SETX: variants seen among roughly 807,000 people sequenced by gnomAD.
SETX encodes helicase senataxin.
Under a neutral mutation model 227.2 loss-of-function variants are expected in SETX, and 90 were observed. That is an observed-to-expected ratio of 0.40 (90% confidence interval 0.33 to 0.47). The LOEUF is 0.47. SETX is among the 20% of genes least tolerant of loss of function. The probability of loss-of-function intolerance (pLI) is 0.91; values close to 1 mark genes in which losing one functional copy is unlikely to be tolerated. For synonymous variants in SETX, 1,210 were observed against 1,113.2 expected (o/e 1.09, Z -1.73); for missense variants, 3,052 against 3,181.5 (o/e 0.96, Z 0.98).
intron 18 of SETX, among the ~76,000 whole-genome samples, chr9:132,285,602 C>T (rs1451802643): frequency 6.6e-6 from 1 of 152,202 alleles, no homozygotes; most frequent in Non-Finnish European, 1.5e-5. Context: ...AAAAAAAGGG[C>T]CAGGCATGGT....
chr9:132,349,385 A>C lies in SETX; in HGVS notation c.44T>G (p.Ile15Ser), dbSNP rs770780238. The change falls in exon 3 of 26, where the codon ATT (isoleucine) becomes AGT (serine). Residue 15 changes from isoleucine to serine, a missense_variant. By Grantham distance (142) the Ile-to-Ser change is moderately radical. Coordinates refer to ENST00000224140, the MANE Select transcript of SETX (RefSeq NM_015046.7). Reference protein sequence around the residue: ...CWCTPGGASTIDFLKRYASNT... With the variant: ...CWCTPGGASTSDFLKRYASNT... Reference sequence around the variant, plus strand: ...GGAAGCATAGCGCTTTAGGAAGTCAATGGTGGAAGCACCACCTGGCGTACA... The same window carrying C: ...GGAAGCATAGCGCTTTAGGAAGTCACTGGTGGAAGCACCACCTGGCGTACA... 1 of 1,614,202 alleles carries C rather than the reference A, an allele frequency of 6.2e-7. No homozygotes were observed. The highest frequency in any genetic ancestry group is 8.5e-7 in the Non-Finnish European group (1 of 1,180,044).
chr9:132,346,425 T>A lies in SETX; in HGVS notation c.224A>T (p.Lys75Ile). 2 of 1,613,756 alleles carry A rather than the reference T, an allele frequency of 1.2e-6. No individual in the cohort carries two copies. Among genetic ancestry groups the A allele is most frequent in the Non-Finnish European group, 1.7e-6 (2 of 1,179,780 alleles). ...ETLRLINHFE[K>I]SMKAEIGDDD... ...ATCTCCAATTTCTGCCTTCATGGATTTTTCAAAGTGATTTATGAGACGTAA... is the reference window on the plus strand; with the variant it reads ...ATCTCCAATTTCTGCCTTCATGGATATTTCAAAGTGATTTATGAGACGTAA... The change falls in exon 4 of 26, where the codon AAA becomes ATA. Residue 75 changes from lysine to isoleucine, a missense_variant. Lys to Ile is a moderately radical substitution (Grantham distance 102). Transcript: ENST00000224140.
At chr9:132,267,516 A>G (rs1286558520) in intron 25 of SETX, among the ~76,000 whole-genome samples, 1 of 152,264 alleles carries the variant, frequency 6.6e-6, no homozygotes, top group Non-Finnish European at 1.5e-5. Flanking sequence ...CATAAGGGGA[A>G]CTAGGCTAAA....
Position 132,278,171 on chromosome 9 carries a change from G to A in SETX, c.6741C>T (p.Ser2247=). 6.2e-7 allele frequency: 1 copy of A among 1,614,166 alleles called. No homozygotes were observed. The highest frequency in any genetic ancestry group is 2.2e-5 in the East Asian group (1 of 44,892). The change falls in exon 21 of 26, where the codon AGC becomes AGT. Residue 2247 remains serine, a synonymous_variant. Coordinates refer to ENST00000224140, the MANE Select transcript of SETX (RefSeq NM_015046.7). ...CAGTGAGCTGTAGAATGGGCAGCCT[G>A]CTGATCATGTTGTGTTCTACATTCT... is the stretch of plus-strand genomic sequence containing the variant. ...LEENVEHNMI[S]RLPILQLTVQ... is the part of the protein sequence containing the mutation.
intron 15 of SETX, among the ~76,000 whole-genome samples, chr9:132,290,574 CA>C (rs59954158): frequency 0.064 from 2,832 of 44,546 alleles, 18 homozygotes; most frequent in African/African-American, 0.093. Flanking sequence ...GACTCCGTCT[CA>C]AAAAAAAAAA....
chr9:132,330,947 G>C, intron 9 of SETX, 105 bp downstream of exon 9: 1 of 887,642 alleles, frequency 1.1e-6, no homozygotes, highest in Admixed American at 1.8e-5. Context: ...AGTAGATTGA[G>C]AACAGCTACA....
chr9:132,341,075 G>A (rs1045784556), intron 5 of SETX, among the ~76,000 whole-genome samples: 6 of 152,132 alleles, frequency 3.9e-5, no homozygotes, highest in African/African-American at 1.2e-4. Flanking sequence ...GGCTGGACGT[G>A]GTGGCTCACA....
intron 4 of SETX, among the ~76,000 whole-genome samples, chr9:132,343,996 C>A (rs902049855): frequency 1.3e-5 from 2 of 152,088 alleles, no homozygotes; most frequent in African/African-American, 4.8e-5. Context: ...GGTTTCCGTA[C>A]GAACATAGTT....
intron 21 of SETX, 116 bp downstream of exon 21, chr9:132,277,954 A>C: frequency 9.9e-7 from 1 of 1,014,062 alleles, no homozygotes. Context: ...CAAAATTATT[A>C]ACCCTTCATG....
chr9:132,319,264 T>C (rs1481690935), intron 10 of SETX, among the ~76,000 whole-genome samples: 2 of 152,238 alleles, frequency 1.3e-5, no homozygotes, highest in South Asian at 2.1e-4. Flanking sequence ...TGGGCTACTA[T>C]AGTAGCCCCT....
At chr9:132,332,744 G>A (rs1847317999) in intron 7 of SETX, among the ~76,000 whole-genome samples, 2 of 151,728 alleles carry the variant, frequency 1.3e-5, no homozygotes, top group African/African-American at 2.4e-5. Context: ...CCCATAGTGA[G>A]ACTTTGTCTC....
chr9:132,329,059 C>T lies in SETX; in HGVS notation c.2539G>A (p.Gly847Ser), dbSNP rs1451028629. ...FIHNLSLDPSGVLDDKNGEQK... is the reference protein window; with the variant it reads ...FIHNLSLDPSSVLDDKNGEQK... ...TCTCCATTCTTATCATCCAGAACAC[C>T]ACTAGGGTCTAAAGAAAGATTGTGT... The change falls in exon 10 of 26, where the codon GGT becomes AGT. Residue 847 changes from glycine (G) to serine (S), a missense_variant. Transcript: ENST00000224140. The T allele has an allele frequency of 1.2e-6, 2 of 1,609,370 alleles. No individual in the cohort carries two copies. The highest frequency in any genetic ancestry group is 1.7e-5 in the Admixed American group (1 of 59,744).
At chr9:132,324,945 A>G (rs558930698) in intron 10 of SETX, among the ~76,000 whole-genome samples, 1 of 152,224 alleles carries the variant, frequency 6.6e-6, no homozygotes, top group African/African-American at 2.4e-5. Flanking sequence ...TGTTTTTCTC[A>G]AATTTTAACG....
chr9:132,276,426 G>A (rs555753338), intron 22 of SETX, among the ~76,000 whole-genome samples: 2 of 152,068 alleles, frequency 1.3e-5, no homozygotes, highest in Admixed American at 1.3e-4. Context: ...GCCTGAGGAC[G>A]CCACCTGCTC....
chr9:132,316,814 G>C (rs950639571), intron 10 of SETX, among the ~76,000 whole-genome samples: 2 of 152,170 alleles, frequency 1.3e-5, no homozygotes, highest in African/African-American at 2.4e-5. Flanking sequence ...TCTCGTATGT[G>C]TCTATTACTA....
Position 132,277,924 on chromosome 9 carries a change from T to C in SETX, c.6842+146A>G, listed in dbSNP as rs562769733. On this transcript the variant is annotated intron_variant, in intron 21 of 25. Transcript: ENST00000224140. ...TTTATGTGCTTTGCTGTATTCAACA[T>C]GATGGCTATTATAACAGGACAAAAT... 18 of 768,826 alleles carry C rather than the reference T, an allele frequency of 2.3e-5. No homozygotes were observed. In the African/African-American group the frequency reaches 3.1e-4, roughly 13 times the overall value. 47.6% of individuals were successfully genotyped at this position (768,826 alleles called of 1,614,324 possible). A position where few individuals can be genotyped will look rare whatever the true frequency, so the allele number is the denominator to read the frequency against.
At chr9:132,299,114 T>C (rs1844842880) in intron 12 of SETX, among the ~76,000 whole-genome samples, 1 of 152,070 alleles carries the variant, frequency 6.6e-6, no homozygotes, top group Admixed American at 6.5e-5. Context: ...AAAGGAAAAA[T>C]CAATCATATC....
At chr9:132,325,231 CTA>C (rs776726178) in intron 10 of SETX, among the ~76,000 whole-genome samples, 2 of 152,106 alleles carry the variant, frequency 1.3e-5, no homozygotes, top group East Asian at 3.9e-4. Flanking sequence ...TGGCGAGAGC[CTA>C]TAGTCTCAGC....
chr9:132,322,164 T>G (rs1268269381), intron 10 of SETX, among the ~76,000 whole-genome samples: 1 of 152,218 alleles, frequency 6.6e-6, no homozygotes, highest in African/African-American at 2.4e-5. Flanking sequence ...TAGGCATCTT[T>G]TTTAACCTAT....
Sources: gnomAD v4.1 joint callset for allele counts (sites outside exome capture counted in the v4.1 genomes callset) on GRCh38, gnomAD v4.1.1 for gene constraint, MANE v1.5 for transcripts, NCBI Gene and HGNC (gene_info 2026-07-23, HGNC 2026-07-21) for gene names.